Variants in NAALADL2 observed in about 807,000 individuals in gnomAD.
NAALADL2 encodes inactive N-acetylated-alpha-linked acidic dipeptidase-like protein 2.
NAALADL2 carries 76 observed loss-of-function variants against 87.2 expected under a neutral mutation model. The observed-to-expected ratio is 0.87, with a 90% CI of 0.72 to 1.05. NAALADL2 has a LOEUF of 1.05. Among genes scored for constraint, NAALADL2 ranks in the 50% least tolerant of loss-of-function variants. The probability of loss-of-function intolerance (pLI) is 0.00; values close to 1 mark genes in which losing one functional copy is unlikely to be tolerated. For synonymous variants in NAALADL2, 354 were observed against 331.0 expected (o/e 1.07, Z -0.75); for missense variants, 1,089 against 945.8 (o/e 1.15, Z -1.99).
rs779361232 is a variant in NAALADL2 at position 174,649,448 on chromosome 3, A to G, written c.-114-88193A>G. Among the ~76,000 whole-genome samples the G allele has an allele frequency of 8.5e-5, 13 of 152,240 alleles. No individual in the cohort carries two copies. In the Middle Eastern group the frequency reaches 0.017, roughly 199 times the overall value. ...ATACTTTTCCATTACATCCTTATGC[A>G]TAACATATATTTAGGATTTCTTTGC... On this transcript the variant is annotated intron_variant, in intron 2 of 3. Transcript: ENST00000434257.
chr3:175,040,460 A>AGC (rs1753932669), intron 1 of NAALADL2, among the ~76,000 whole-genome samples: 1 of 152,178 alleles, frequency 6.6e-6, no homozygotes, highest in South Asian at 2.1e-4. Context: ...TTGTGGTAGA[A>AGC]AACTTACGGG....
At chr3:175,339,196 G>C (rs1484633686) in intron 5 of NAALADL2, among the ~76,000 whole-genome samples, 2 of 152,212 alleles carry the variant, frequency 1.3e-5, no homozygotes, top group Admixed American at 6.5e-5. Context: ...ATCAAACATT[G>C]TCTAGAATCA....
intron 1 of NAALADL2, among the ~76,000 whole-genome samples, chr3:175,077,327 C>T (rs569608495): frequency 4.7e-4 from 72 of 152,186 alleles, no homozygotes; most frequent in African/African-American, 1.7e-3. Context: ...CTTTGTTTGA[C>T]GTTCTAGTCT....
At chr3:174,790,019 C>G (rs949088646) in intron 3 of NAALADL2, among the ~76,000 whole-genome samples, 1 of 152,164 alleles carries the variant, frequency 6.6e-6, no homozygotes, top group Admixed American at 6.6e-5. Flanking sequence ...AAAAGGGACT[C>G]CTTGACATCT....
intron 3 of NAALADL2, among the ~76,000 whole-genome samples, chr3:175,255,814 A>G (rs982342734): frequency 6.6e-6 from 1 of 152,176 alleles, no homozygotes; most frequent in Non-Finnish European, 1.5e-5. Flanking sequence ...GACAGAAATG[A>G]TAATTTGGGG....
rs1200968637 is a variant in NAALADL2 at position 175,395,752 on chromosome 3, A to G, written c.1091-51477A>G. Among the ~76,000 whole-genome samples, 3 of 152,198 alleles carry G rather than the reference A, an allele frequency of 2.0e-5. 1 individual carries two copies. Among genetic ancestry groups the G allele is most frequent in the Admixed American group, 2.0e-4 (3 of 15,272 alleles). On this transcript the variant is annotated intron_variant, in intron 5 of 13. Coordinates refer to ENST00000454872, the MANE Select transcript of NAALADL2 (RefSeq NM_207015.3). Reference sequence around the variant, plus strand: ...CTCATGATAATAATGATAGCTATCCATCTCTGAAAAAGGCCGCTGTTTTCA... The same window carrying G: ...CTCATGATAATAATGATAGCTATCCGTCTCTGAAAAAGGCCGCTGTTTTCA...
intron 2 of NAALADL2, among the ~76,000 whole-genome samples, chr3:175,149,503 C>T (rs1463938514): frequency 1.3e-5 from 2 of 151,892 alleles, no homozygotes; most frequent in Admixed American, 1.3e-4. Context: ...ACTAACCTAC[C>T]ACAGTCTAGC....
rs563908928 is a variant in NAALADL2, at chr3:175,126,019, A to G, written c.545+28728A>G. Among the ~76,000 whole-genome samples the G allele has an allele frequency of 1.1e-4, 17 of 152,236 alleles. No homozygotes were observed. In the South Asian group the frequency reaches 3.1e-3, roughly 28 times the overall value. ...AGCCAAAATTTGGAATTCTAAGAGT[A>G]TGTAGTGTTCAACTTTGTCAAAATG... On this transcript the variant is annotated intron_variant, in intron 2 of 13. Coordinates refer to ENST00000454872, the MANE Select transcript of NAALADL2 (RefSeq NM_207015.3).
At chr3:174,787,029 C>A (rs1250282855) in intron 3 of NAALADL2, among the ~76,000 whole-genome samples, 3 of 145,158 alleles carry the variant, frequency 2.1e-5, no homozygotes, top group African/African-American at 7.7e-5. Flanking sequence ...TTTTATTATA[C>A]TGCAATATAA....
intron 5 of NAALADL2, among the ~76,000 whole-genome samples, chr3:175,417,160 A>G (rs958139083): frequency 1.3e-5 from 2 of 151,246 alleles, no homozygotes; most frequent in African/African-American, 4.8e-5. Context: ...AAACTGCAAA[A>G]TTCACTGGTT....
intron 5 of NAALADL2, among the ~76,000 whole-genome samples, chr3:175,406,932 G>C (rs1192100279): frequency 6.6e-6 from 1 of 152,132 alleles, no homozygotes; most frequent in East Asian, 1.9e-4. Context: ...TGTAATCCCA[G>C]CACTTTGGGA....
At chr3:175,018,235 C>T (rs1248539566) in intron 1 of NAALADL2, among the ~76,000 whole-genome samples, 3 of 151,954 alleles carry the variant, frequency 2.0e-5, no homozygotes, top group African/African-American at 4.8e-5. Flanking sequence ...CCATCAAATA[C>T]GTACACAAGG....
intron 3 of NAALADL2, among the ~76,000 whole-genome samples, chr3:175,239,991 A>T (rs1746554904): frequency 6.6e-6 from 1 of 152,350 alleles, no homozygotes; most frequent in African/African-American, 2.4e-5. Flanking sequence ...GAACATCAGA[A>T]CAATATATCA....
At chr3:175,041,803 C>G (rs1754104190) in intron 1 of NAALADL2, among the ~76,000 whole-genome samples, 1 of 151,964 alleles carries the variant, frequency 6.6e-6, no homozygotes, top group Non-Finnish European at 1.5e-5. Flanking sequence ...GTCTAATTGA[C>G]AAGCAAAAAT....
At chr3:174,762,825 A>G (rs1713209686) in intron 3 of NAALADL2, among the ~76,000 whole-genome samples, 1 of 152,046 alleles carries the variant, frequency 6.6e-6, no homozygotes, top group Non-Finnish European at 1.5e-5. Context: ...GCCAATAATA[A>G]AAAAAAATCT....
intron 2 of NAALADL2, among the ~76,000 whole-genome samples, chr3:175,121,265 C>G (rs554199961): frequency 1.3e-5 from 2 of 151,930 alleles, no homozygotes; most frequent in South Asian, 2.1e-4. Flanking sequence ...ATACTTGCCA[C>G]CTGACTTGTC....
chr3:175,766,698 A>G (rs537538521), intron 13 of NAALADL2, among the ~76,000 whole-genome samples: 70 of 152,244 alleles, frequency 4.6e-4, no homozygotes, highest in Admixed American at 2.4e-3. Context: ...ATATGATCCA[A>G]AGAGAATTAA....
At chr3:174,789,405 A>G (rs769591075) in intron 3 of NAALADL2, among the ~76,000 whole-genome samples, 2 of 152,172 alleles carry the variant, frequency 1.3e-5, no homozygotes, top group African/African-American at 2.4e-5. Flanking sequence ...TTGCTGCCTT[A>G]TTTTGACTTG....
intron 1 of NAALADL2, among the ~76,000 whole-genome samples, chr3:174,885,455 C>T (rs1245601127): frequency 2.0e-5 from 3 of 152,138 alleles, no homozygotes; most frequent in Admixed American, 2.0e-4. Flanking sequence ...TGGTTCTCCA[C>T]ATATGGTCAA....
Sources: allele counts gnomAD v4.1 joint callset (sites outside exome capture counted in the v4.1 genomes callset), GRCh38; gene constraint gnomAD v4.1.1; transcripts MANE v1.5; gene names NCBI Gene and HGNC (gene_info 2026-07-23, HGNC 2026-07-21).